ST7: variants seen among roughly 807,000 people sequenced by gnomAD.
ST7 encodes suppression of tumorigenicity 7.
A neutral mutation model predicts 78.7 loss-of-function variants in ST7; 28 were observed. That is an observed-to-expected ratio of 0.36 (90% confidence interval 0.26 to 0.49). The LOEUF (loss-of-function observed/expected upper bound fraction) is 0.49. Among genes scored for constraint, ST7 ranks in the 20% least tolerant of loss-of-function variants. ST7 has a pLI of 0.99. For missense variants in ST7, 418 were observed against 696.0 expected, an observed-to-expected ratio of 0.60 and a Z score of 4.49; for synonymous variants, 247 against 249.6, an observed-to-expected ratio of 0.99 and a Z score of 0.10.
intron 3 of ST7, among the ~76,000 whole-genome samples, chr7:117,122,282 T>A (rs1460871076): frequency 6.6e-6 from 1 of 152,186 alleles, no homozygotes; most frequent in Non-Finnish European, 1.5e-5. Flanking sequence ...CATGCTGTGC[T>A]AAGGAATCTG....
At position 117,220,582 on chromosome 7, in the gene ST7, C is replaced by T. The variant is rs1368379551; in HGVS notation, c.1499-1341C>T. Among the ~76,000 whole-genome samples the T allele has an allele frequency of 3.3e-5, 5 of 152,266 alleles. No individual in the cohort carries two copies. In the South Asian group the frequency reaches 8.3e-4, roughly 25 times the overall value. On this transcript the variant is annotated intron_variant, in intron 14 of 15. Coordinates refer to ENST00000323984, the MANE Select transcript of ST7 (RefSeq NM_001369598.1). ...ACAAGATTACAGTTCTTAAGAGAAA[C>T]CTTATAGGGATAATCTTTATAAGCC...
intron 2 of ST7, among the ~76,000 whole-genome samples, chr7:117,100,760 T>C (rs1801511056): frequency 6.6e-6 from 1 of 152,184 alleles, no homozygotes; most frequent in Admixed American, 6.5e-5. Context: ...TTGAAGTAGT[T>C]AATTTTAGTG....
At chr7:116,998,503 G>A (rs954219915) in intron 1 of ST7, among the ~76,000 whole-genome samples, 1 of 152,248 alleles carries the variant, frequency 6.6e-6, no homozygotes, top group Non-Finnish European at 1.5e-5. Flanking sequence ...CACCAAGGCC[G>A]AGGAGGTGCC....
intron 1 of ST7, chr7:116,956,742 ATT>A (rs755580580): frequency 1.6e-5 from 7 of 433,172 alleles, no homozygotes; most frequent in African/African-American, 1.5e-4. Context: ...GCTTAACTCG[ATT>A]TTTTTTTAAT....
intron 14 of ST7, among the ~76,000 whole-genome samples, chr7:117,221,441 A>G (rs541816337): frequency 6.6e-6 from 1 of 152,294 alleles, no homozygotes; most frequent in South Asian, 2.1e-4. Flanking sequence ...AAAATACAGG[A>G]GAAACTAGTA....
chr7:117,133,211 C>G (rs997140684), intron 6 of ST7, among the ~76,000 whole-genome samples: 6 of 151,884 alleles, frequency 4.0e-5, no homozygotes, highest in African/African-American at 1.4e-4. Flanking sequence ...CTGCCTTCTT[C>G]CCCTTTTTGA....
intron 4 of ST7, among the ~76,000 whole-genome samples, chr7:117,130,117 A>G (rs935177024): frequency 2.6e-5 from 4 of 151,920 alleles, no homozygotes; most frequent in African/African-American, 9.7e-5. Flanking sequence ...AACATTTTGA[A>G]GCTTACCTGG....
chr7:116,980,663 T>C (rs1175468933), intron 1 of ST7, among the ~76,000 whole-genome samples: 1 of 152,198 alleles, frequency 6.6e-6, no homozygotes, highest in African/African-American at 2.4e-5. Context: ...AAAATTGTTA[T>C]TTTAAAATAA....
chr7:117,134,066 C>G, intron 6 of ST7, 58 bp from the exon 7 acceptor site: 1 of 1,600,586 alleles, frequency 6.2e-7, no homozygotes. Context: ...CATAGTGACT[C>G]TCTCTGAATG....
At chr7:116,958,937 G>T (rs1792677978) in intron 1 of ST7, among the ~76,000 whole-genome samples, 1 of 152,080 alleles carries the variant, frequency 6.6e-6, no homozygotes, top group Non-Finnish European at 1.5e-5. Context: ...TAAAGGTTGG[G>T]GTAGCTGTGG....
At chr7:117,229,478 G>A (rs1793652785) in intron 15 of ST7, among the ~76,000 whole-genome samples, 1 of 152,234 alleles carries the variant, frequency 6.6e-6, no homozygotes, top group South Asian at 2.1e-4. Flanking sequence ...GCTGGCAGAT[G>A]CTAAAGACTA....
At chr7:117,092,051 C>T (rs1015676542) in intron 1 of ST7, among the ~76,000 whole-genome samples, 2 of 152,112 alleles carry the variant, frequency 1.3e-5, no homozygotes, top group Non-Finnish European at 2.9e-5. Context: ...CTGCCACCAA[C>T]ATAGAATCTT....
At chr7:117,168,545 A>G (rs1435690625) in intron 9 of ST7, among the ~76,000 whole-genome samples, 3 of 151,008 alleles carry the variant, frequency 2.0e-5, no homozygotes, top group Non-Finnish European at 4.5e-5. Flanking sequence ...ACTAGAATCA[A>G]AATGAACCAG....
At chr7:117,052,751 G>A (rs911415901) in intron 1 of ST7, among the ~76,000 whole-genome samples, 14 of 152,304 alleles carry the variant, frequency 9.2e-5, no homozygotes, top group African/African-American at 3.4e-4. Flanking sequence ...AAAATTAGCT[G>A]GGCGTGGTGG....
At chr7:117,093,726 A>C (rs1301296800) in intron 1 of ST7, among the ~76,000 whole-genome samples, 2 of 152,146 alleles carry the variant, frequency 1.3e-5, no homozygotes, top group Non-Finnish European at 2.9e-5. Flanking sequence ...ACAACAAAAA[A>C]AATCAAAAGA....
chr7:117,217,300 C>A (rs7803866), intron 13 of ST7, among the ~76,000 whole-genome samples: 8,215 of 138,800 alleles, frequency 0.059, 739 homozygotes, highest in African/African-American at 0.2. Flanking sequence ...AAAAAAAAAA[C>A]AAAAAAAAAA....
chr7:117,018,900 T>C (rs1795745192), intron 1 of ST7, among the ~76,000 whole-genome samples: 1 of 152,252 alleles, frequency 6.6e-6, no homozygotes, highest in African/African-American at 2.4e-5. Flanking sequence ...GCTCAGCATT[T>C]TTAGTAAGCT....
intron 1 of ST7, chr7:117,098,820 G>A (rs745799246): frequency 7.7e-7 from 1 of 1,302,582 alleles, no homozygotes; most frequent in South Asian, 1.2e-5. Context: ...AGCCCAGTAA[G>A]TATGTGGTGG....
chr7:116,953,522 C>CA lies in ST7; in HGVS notation c.-18dup, dbSNP rs764027499. On this transcript the variant is annotated 5_prime_UTR_variant, in exon 1 of 16. Coordinates refer to ENST00000323984, the MANE Select transcript of ST7 (RefSeq NM_001369598.1). ...CGGCAGACACCAAGAGCCGCGGCAG[C>CA]AGAGAGGAGCGCTGAAACATGGCTG... 33 of 1,340,080 alleles carry CA rather than the reference C, an allele frequency of 2.5e-5. No individual in the cohort carries two copies. The South Asian group carries it at 5.6e-4, about 23-fold the overall frequency. 83.0% of individuals were successfully genotyped at this position (1,340,080 alleles called of 1,614,324 possible).
Sources: gnomAD v4.1 joint callset for allele counts (sites outside exome capture counted in the v4.1 genomes callset) on GRCh38, gnomAD v4.1.1 for gene constraint, MANE v1.5 for transcripts, NCBI Gene and HGNC (gene_info 2026-07-23, HGNC 2026-07-21) for gene names.